Variants in FOCAD observed in about 807,000 individuals in gnomAD.
The protein encoded by FOCAD is focadhesin.
Under a neutral mutation model 225.6 loss-of-function variants are expected in FOCAD, and 198 were observed. The ratio of observed to expected loss-of-function variants is 0.88; its 90% confidence interval spans 0.78 to 0.99. The LOEUF (loss-of-function observed/expected upper bound fraction) is 0.99. Ranked by LOEUF, FOCAD falls within the 50% of genes least tolerant of loss-of-function variation. The probability of loss-of-function intolerance (pLI) is 0.00; values close to 1 mark genes in which losing one functional copy is unlikely to be tolerated. For missense variants in FOCAD, 2,713 were observed against 2,123.6 expected (o/e 1.28, Z -5.46); for synonymous variants, 897 against 755.0 (o/e 1.19, Z -3.08).
rs899600707 is a variant in FOCAD at position 20,767,601 on chromosome 9, T to G, written c.700-2431T>G. Among the ~76,000 whole-genome samples, 715 of 150,882 alleles carry G rather than the reference T, an allele frequency of 4.7e-3. 3 individuals are homozygous for G. The highest frequency in any genetic ancestry group is 6.9e-3 in the Non-Finnish European group (464 of 67,656). ...TGATAATGAGGATTTTTTCATGTGT[T>G]TTTTGGCTGCATAAATGTCTTCTTT... On this transcript the variant is annotated intron_variant, in intron 7 of 43. Coordinates refer to ENST00000338382, the MANE Select transcript of FOCAD (RefSeq NM_001375567.1).
At chr9:20,825,112 T>A (rs766516695) in intron 15 of FOCAD, among the ~76,000 whole-genome samples, 4 of 151,670 alleles carry the variant, frequency 2.6e-5, no homozygotes, top group Non-Finnish European at 4.4e-5. Context: ...TAGTAATATA[T>A]CTTTCTGTTT....
chr9:20,778,045 G>T (rs1038824978), intron 8 of FOCAD, among the ~76,000 whole-genome samples: 1 of 134,904 alleles, frequency 7.4e-6, no homozygotes, highest in Non-Finnish European at 1.5e-5. Flanking sequence ...AGCGGAGATC[G>T]TGCCACAGCA....
chr9:20,855,708 T>G (rs1164473690), intron 15 of FOCAD, among the ~76,000 whole-genome samples: 1 of 151,650 alleles, frequency 6.6e-6, no homozygotes, highest in Admixed American at 6.6e-5. Context: ...CACTGTATTT[T>G]TGTACCCATT....
chr9:20,980,061 C>A (rs768137071), intron 37 of FOCAD, among the ~76,000 whole-genome samples: 1 of 152,078 alleles, frequency 6.6e-6, no homozygotes, highest in African/African-American at 2.4e-5. Context: ...ACCCAAGCCA[C>A]CACCAATCTG....
At chr9:20,901,191 A>AGTGTGT (rs1832525129) in intron 21 of FOCAD, among the ~76,000 whole-genome samples, 2 of 132,350 alleles carry the variant, frequency 1.5e-5, no homozygotes, top group East Asian at 4.7e-4. Flanking sequence ...ATGTGGAAAC[A>AGTGTGT]ATGTGTGTGT....
intron 2 of FOCAD, among the ~76,000 whole-genome samples, chr9:20,665,539 T>C (rs1174534809): frequency 6.6e-6 from 1 of 152,208 alleles, no homozygotes; most frequent in East Asian, 1.9e-4. Context: ...TATCCACCTT[T>C]TATATGTCTA....
intron 1 of FOCAD, among the ~76,000 whole-genome samples, chr9:20,690,397 T>C (rs1217166079): frequency 1.3e-5 from 2 of 152,214 alleles, no homozygotes; most frequent in Non-Finnish European, 2.9e-5. Context: ...TACAATTTAT[T>C]TGTTACCCCT....
chr9:20,802,401 C>A (rs141857410), intron 11 of FOCAD, among the ~76,000 whole-genome samples: 2 of 151,878 alleles, frequency 1.3e-5, no homozygotes, highest in African/African-American at 2.4e-5. Context: ...TTGAAGTGTC[C>A]TATAGTTATC....
chr9:20,697,591 T>C (rs1230044631), intron 1 of FOCAD, among the ~76,000 whole-genome samples: 1 of 152,278 alleles, frequency 6.6e-6, no homozygotes, highest in Non-Finnish European at 1.5e-5. Context: ...CCTTCAGGTG[T>C]CTGTTCAAAT....
intron 1 of FOCAD, among the ~76,000 whole-genome samples, chr9:20,700,512 A>G (rs1222498096): frequency 6.6e-6 from 1 of 151,764 alleles, no homozygotes; most frequent in African/African-American, 2.4e-5. Context: ...TGCACTATCT[A>G]CACAAAAATG....
At position 20,789,487 on chromosome 9, in the gene FOCAD, C is replaced by A. The variant is rs1365045794; in HGVS notation, c.1334C>A (p.Thr445Asn). The A allele has an allele frequency of 6.2e-7, 1 of 1,613,866 alleles. No homozygotes were observed. The highest frequency in any genetic ancestry group is 1.3e-5 in the African/African-American group (1 of 74,884). Residue 445 changes from threonine to asparagine, a missense_variant, in exon 11 of 44, where the codon ACT (threonine) becomes AAT (asparagine). Transcript: ENST00000338382. ...LASVESLLPI[T>N]AVIPAPAFLL... is the part of the protein sequence containing the mutation. The stretch of plus-strand genomic sequence containing the variant: ...TCAGTAGAGTCATTGCTTCCTATTA[C>A]TGCTGTGATCCCTGCGCCTGCCTTT...
intron 6 of FOCAD, among the ~76,000 whole-genome samples, chr9:20,760,199 T>C (rs1194166447): frequency 1.3e-5 from 2 of 152,244 alleles, no homozygotes; most frequent in Non-Finnish European, 2.9e-5. Context: ...TCTCTGTGGC[T>C]GTGGTTTTCA....
chr9:20,939,217 G>A (rs1207295815), intron 28 of FOCAD, among the ~76,000 whole-genome samples: 1 of 150,482 alleles, frequency 6.6e-6, no homozygotes, highest in African/African-American at 2.4e-5. Flanking sequence ...CATGGTTGAA[G>A]TATCTTGAAA....
At chr9:20,935,699 G>A (rs558828339) in intron 28 of FOCAD, among the ~76,000 whole-genome samples, 1 of 152,208 alleles carries the variant, frequency 6.6e-6, no homozygotes, top group South Asian at 2.1e-4. Context: ...CTGCCCAGCC[G>A]ACTTAATCTT....
chr9:20,809,663 A>G lies in FOCAD; in HGVS notation c.1456-10133A>G, dbSNP rs74526621. 6.6e-5 allele frequency among the ~76,000 whole-genome samples: 10 copies of G among 152,166 alleles called. No homozygotes were observed. The East Asian group carries it at 1.4e-3, about 21-fold the overall frequency. On this transcript the variant is annotated intron_variant, in intron 11 of 43. Transcript: ENST00000338382. ...TATAGAAACGATTTTTATACTTTTAATCTTTAAAGTTGAGTTCAAGTTATT... is the reference window on the plus strand; with the variant it reads ...TATAGAAACGATTTTTATACTTTTAGTCTTTAAAGTTGAGTTCAAGTTATT...
intron 24 of FOCAD, 99 bp downstream of exon 24, chr9:20,917,036 G>C (rs1833932191): frequency 4.5e-6 from 4 of 894,544 alleles, no homozygotes; most frequent in Admixed American, 3.1e-5. Context: ...TAATTTTAAG[G>C]ATTTTAGAGT....
chr9:20,977,691 T>A (rs1840339145), intron 36 of FOCAD, among the ~76,000 whole-genome samples: 1 of 152,238 alleles, frequency 6.6e-6, no homozygotes. Context: ...GTTTCAGAGA[T>A]AAAGATAATT....
intron 7 of FOCAD, among the ~76,000 whole-genome samples, chr9:20,769,373 G>T (rs560548981): frequency 6.6e-6 from 1 of 152,294 alleles, no homozygotes; most frequent in East Asian, 1.9e-4. Context: ...TCTGGGAAAT[G>T]CCAATGTGTC....
At chr9:20,820,203 A>G in intron 12 of FOCAD, 121 bp from the exon 13 acceptor site, 1 of 677,196 alleles carries the variant, frequency 1.5e-6, no homozygotes, top group South Asian at 2.1e-5. Flanking sequence ...GGTGGGTAAT[A>G]TTGCAGCAAG....
Sources: gnomAD v4.1 joint callset for allele counts (sites outside exome capture counted in the v4.1 genomes callset) on GRCh38, gnomAD v4.1.1 for gene constraint, MANE v1.5 for transcripts, NCBI Gene and HGNC (gene_info 2026-07-23, HGNC 2026-07-21) for gene names.